Variants in ERN1 observed in about 807,000 individuals in gnomAD.
The protein encoded by ERN1 is serine/threonine-protein kinase/endoribonuclease IRE1.
Under a neutral mutation model 113.1 loss-of-function variants are expected in ERN1, and 39 were observed. The observed-to-expected ratio is 0.34, with a 90% CI of 0.27 to 0.45. The LOEUF (loss-of-function observed/expected upper bound fraction) is 0.45, where lower values mean the gene tolerates loss of function less well. Among genes scored for constraint, ERN1 ranks in the 20% least tolerant of loss-of-function variants. The pLI, the probability that ERN1 is intolerant of heterozygous loss-of-function variation, is 1.00. For synonymous variants in ERN1, 507 were observed against 515.9 expected (o/e 0.98, Z 0.23); for missense variants, 976 against 1,274.8 (o/e 0.77, Z 3.57).
Position 64,068,200 on chromosome 17 carries a change from G to A in ERN1, c.570C>T (p.Asp190=), listed in dbSNP as rs1174907197. ...GCAGAGAGCACTTACTGTAGTCCAC[G>A]TCGTCCTCAGGCAGTGAGGCCGCAT... The part of the protein sequence containing the change: ...FDYAASLPED[D]VDYKMSHFVS... Residue 190 remains aspartate, a synonymous_variant, in exon 7 of 22, where the codon GAC becomes GAT. Coordinates refer to ENST00000433197, the MANE Select transcript of ERN1 (RefSeq NM_001433.5). The A allele has an allele frequency of 3.1e-6, 5 of 1,608,248 alleles. No individual in the cohort carries two copies. Among genetic ancestry groups the A allele is most frequent in the Admixed American group, 3.4e-5 (2 of 59,308 alleles).
chr17:64,073,475 A>C (rs749295012), intron 5 of ERN1, among the ~76,000 whole-genome samples: 2 of 132,758 alleles, frequency 1.5e-5, no homozygotes, highest in Non-Finnish European at 3.2e-5. Context: ...ATGCCCGGCC[A>C]CCTGGCTAAT....
intron 5 of ERN1, among the ~76,000 whole-genome samples, chr17:64,073,997 C>T (rs1411205361): frequency 6.6e-6 from 1 of 152,194 alleles, no homozygotes. Context: ...GCATACATGC[C>T]TGCTCCACAT....
At chr17:64,078,717 CTG>C (rs372822756) in intron 4 of ERN1, among the ~76,000 whole-genome samples, 1 of 152,238 alleles carries the variant, frequency 6.6e-6, no homozygotes, top group East Asian at 1.9e-4. Context: ...TGCAAAAACA[CTG>C]TAAGCTGGGT....
chr17:64,064,016 T>TGAG lies in ERN1; in HGVS notation c.1054_1056dup (p.Leu352dup). 6.2e-7 allele frequency: 1 copy of TGAG among 1,610,016 alleles called. No individual in the cohort carries two copies. Among genetic ancestry groups the TGAG allele is most frequent in the Non-Finnish European group, 8.5e-7 (1 of 1,176,346 alleles). On this transcript the variant is annotated inframe_insertion, in exon 10 of 22. Transcript: ENST00000433197. The stretch of plus-strand genomic sequence containing the variant: ...AGAAGCCAGTAATTCCTCAAGTAGT[T>TGAG]GAGCTTGTTCTTGCTTTTGAGTCCG...
intron 1 of ERN1, among the ~76,000 whole-genome samples, chr17:64,127,757 C>CAAAA (rs775462648): frequency 1.1e-5 from 1 of 87,996 alleles, no homozygotes. Context: ...AACTCCATAT[C>CAAAA]AAAAAAAAAA....
At position 64,057,820 on chromosome 17, in the gene ERN1, G is replaced by A. The variant is rs749168157; in HGVS notation, c.1380C>T (p.Phe460=). Residue 460 remains phenylalanine (F), a synonymous_variant, in exon 12 of 22, where the codon TTC becomes TTT. Coordinates refer to ENST00000433197, the MANE Select transcript of ERN1 (RefSeq NM_001433.5). The part of the protein sequence containing the change: ...STFLLIGWVA[F]IITYPLSMHQ... Reference sequence around the variant, plus strand: ...GCTTTACCAGGGGATAGGTGATGATGAAGGCCACCCAGCCAATCAGCAGGA... The same window carrying A: ...GCTTTACCAGGGGATAGGTGATGATAAAGGCCACCCAGCCAATCAGCAGGA... 9 of 1,613,730 alleles carry A rather than the reference G, an allele frequency of 5.6e-6. No individual in the cohort carries two copies. The Admixed American group carries it at 1.5e-4, about 27-fold the overall frequency.
intron 3 of ERN1, 83 bp from the exon 4 acceptor site, chr17:64,079,817 G>T: frequency 9.3e-7 from 1 of 1,074,292 alleles, no homozygotes; most frequent in African/African-American, 1.6e-5. Flanking sequence ...AACCCATGAT[G>T]GAGGAATAGA....
chr17:64,061,580 CATA>C, intron 10 of ERN1, among the ~76,000 whole-genome samples: 1 of 152,338 alleles, frequency 6.6e-6, no homozygotes, highest in Non-Finnish European at 1.5e-5. Context: ...CTATCTACAA[CATA>C]ATATCATTCT....
At chr17:64,127,326 A>T (rs1352435891) in intron 1 of ERN1, among the ~76,000 whole-genome samples, 1 of 152,250 alleles carries the variant, frequency 6.6e-6, no homozygotes, top group Non-Finnish European at 1.5e-5. Flanking sequence ...TCAAAAAATG[A>T]TGGCTTAGAG....
chr17:64,111,625 G>A (rs1402645482), intron 1 of ERN1, among the ~76,000 whole-genome samples: 5 of 152,254 alleles, frequency 3.3e-5, no homozygotes, highest in African/African-American at 1.2e-4. Context: ...CCAAAGTGCT[G>A]GGATTACAGG....
chr17:64,121,920 G>C, intron 1 of ERN1, among the ~76,000 whole-genome samples: 1 of 152,182 alleles, frequency 6.6e-6, no homozygotes, highest in East Asian at 1.9e-4. Context: ...TCGCACAACT[G>C]CAACAAAGGG....
intron 5 of ERN1, 135 bp downstream of exon 5, chr17:64,075,040 C>A: frequency 1.4e-6 from 1 of 737,404 alleles, no homozygotes. Context: ...CTGGGGAGAA[C>A]AGCACCTGAA....
rs756752085 is a variant in ERN1, at chr17:64,054,349, T to G, written c.1854A>C (p.Glu618Asp). The G allele has an allele frequency of 4.1e-5, 66 of 1,612,594 alleles. No individual in the cohort carries two copies. Among genetic ancestry groups the G allele is most frequent in the Non-Finnish European group, 5.6e-5 (66 of 1,179,350 alleles). ...FADREVQLLRESDEHPNVIRY... is the reference protein window; with the variant it reads ...FADREVQLLRDSDEHPNVIRY... The stretch of plus-strand genomic sequence containing the variant: ...GGATCACGTTCGGGTGCTCATCCGA[T>G]TCTCGCAACAGCTGGACCTCACGGT... The change falls in exon 15 of 22, where the codon GAA (glutamate) becomes GAC (aspartate). Residue 618 changes from glutamate to aspartate, a missense_variant. Glu to Asp is a conservative substitution (Grantham distance 45). Around this residue, in one of 5 missense-constraint regions of ERN1, gnomAD observed 297 missense variants for 457.8 expected, o/e 0.65. Transcript: ENST00000433197. The surrounding 1 kb of genome is among the most constrained non-coding windows in gnomAD (Gnocchi z 4.9).
At chr17:64,110,051 A>C (rs1237681737) in intron 1 of ERN1, among the ~76,000 whole-genome samples, 1 of 152,184 alleles carries the variant, frequency 6.6e-6, no homozygotes, top group Non-Finnish European at 1.5e-5. Context: ...AGGGGTCTTT[A>C]AAAAATGTTC....
chr17:64,118,933 T>C (rs1301744552), intron 1 of ERN1, among the ~76,000 whole-genome samples: 1 of 152,200 alleles, frequency 6.6e-6, no homozygotes, highest in Non-Finnish European at 1.5e-5. Context: ...AAAGTTCCTG[T>C]TGGTTCACAA....
chr17:64,130,081 G>A lies in ERN1; in HGVS notation c.-52C>T. The A allele has an allele frequency of 7.6e-7, 1 of 1,320,202 alleles. No homozygotes were observed. Among genetic ancestry groups the A allele is most frequent in the South Asian group, 2.0e-5 (1 of 50,456 alleles). 81.8% of individuals were successfully genotyped at this position (1,320,202 alleles called of 1,614,324 possible). On this transcript the variant is annotated 5_prime_UTR_variant, in exon 1 of 22. Transcript: ENST00000433197. This position sits in a 1 kb window ranked among gnomAD's most constrained non-coding sequence, Gnocchi z 4.0. ...GGCGGTACGGACAGAGGACGGGGCG[G>A]GGGCGCCGCGACGACAGCGAGGCGG...
At chr17:64,094,392 T>C (rs1484594455) in intron 2 of ERN1, among the ~76,000 whole-genome samples, 1 of 152,190 alleles carries the variant, frequency 6.6e-6, no homozygotes, top group African/African-American at 2.4e-5. Flanking sequence ...TTCCTATTAT[T>C]TGTTTTAGAT....
intron 11 of ERN1, among the ~76,000 whole-genome samples, chr17:64,059,929 G>A (rs993964761): frequency 1.4e-5 from 2 of 146,530 alleles, no homozygotes; most frequent in African/African-American, 2.5e-5. Flanking sequence ...GGGCTCAAGC[G>A]ATCCTCCTGC....
At position 64,044,368 on chromosome 17, in the gene ERN1, C is replaced by T. The variant is rs981069670; in HGVS notation, c.2722-168G>A. Among the ~76,000 whole-genome samples the T allele has an allele frequency of 2.6e-5, 4 of 152,320 alleles. No individual in the cohort carries two copies. The highest frequency in any genetic ancestry group is 3.4e-3 in the Middle Eastern group (1 of 292). On this transcript the variant is annotated intron_variant, in intron 21 of 21. Transcript: ENST00000433197. The surrounding 1 kb of genome is among the most constrained non-coding windows in gnomAD (Gnocchi z 4.1). ...ATCCAAGAATCCAGCCCCGTCATCT[C>T]GCCTGCTACCCTCACTCAGGAGGAG...
Sources: gnomAD v4.1 joint callset for allele counts (sites outside exome capture counted in the v4.1 genomes callset) on GRCh38, gnomAD v4.1.1 for gene constraint, gnomAD v4.1.1 regional missense constraint, Gnocchi (gnomAD v3.1) non-coding constraint, MANE v1.5 for transcripts, NCBI Gene and HGNC (gene_info 2026-07-23, HGNC 2026-07-21) for gene names.